Variants in EHBP1 observed in about 807,000 individuals in gnomAD.
EHBP1 encodes the protein EH domain-binding protein 1.
A neutral mutation model predicts 144.0 loss-of-function variants in EHBP1; 55 were observed. That is an observed-to-expected ratio of 0.38 (90% CI 0.31 to 0.48). The LOEUF (loss-of-function observed/expected upper bound fraction) is 0.48. EHBP1 is among the 20% of genes least tolerant of loss of function. EHBP1 has a pLI of 0.98. For missense variants in EHBP1, 1,200 were observed against 1,364.2 expected, an observed-to-expected ratio of 0.88 and a Z score of 1.90; for synonymous variants, 469 against 472.7, an observed-to-expected ratio of 0.99 and a Z score of 0.10.
chr2:62,894,044 CAAAA>C (rs146913575), intron 10 of EHBP1, among the ~76,000 whole-genome samples: 2 of 96,172 alleles, frequency 2.1e-5, no homozygotes, highest in Non-Finnish European at 4.2e-5. Flanking sequence ...GACTCCGTCT[CAAAA>C]AAAAAAAAAA....
At chr2:63,020,596 G>A (rs373082159) in intron 19 of EHBP1, among the ~76,000 whole-genome samples, 3 of 151,900 alleles carry the variant, frequency 2.0e-5, no homozygotes, top group East Asian at 3.9e-4. Flanking sequence ...CTTGGCAGAG[G>A]ATGAGCACTC....
intron 19 of EHBP1, among the ~76,000 whole-genome samples, chr2:63,009,068 G>T (rs1325742345): frequency 6.6e-6 from 1 of 151,582 alleles, no homozygotes; most frequent in African/African-American, 2.4e-5. Context: ...GTATTCACTT[G>T]CAAAATTGTT....
At chr2:62,828,766 T>G (rs1331794960) in intron 6 of EHBP1, among the ~76,000 whole-genome samples, 1 of 152,254 alleles carries the variant, frequency 6.6e-6, no homozygotes, top group Non-Finnish European at 1.5e-5. Flanking sequence ...ATTTGCAAAC[T>G]GTCTCACTGT....
chr2:62,816,509 C>T (rs893513251), intron 5 of EHBP1, among the ~76,000 whole-genome samples: 1 of 152,054 alleles, frequency 6.6e-6, no homozygotes, highest in Non-Finnish European at 1.5e-5. Flanking sequence ...AACTGTTAGT[C>T]TAAACTCTCC....
At chr2:62,762,315 G>A (rs2040833017) in intron 3 of EHBP1, among the ~76,000 whole-genome samples, 2 of 152,112 alleles carry the variant, frequency 1.3e-5, no homozygotes, top group Non-Finnish European at 2.9e-5. Flanking sequence ...CCGAGACTTA[G>A]TCTTTGGAGC....
At chr2:62,828,262 G>C (rs1361351375) in intron 6 of EHBP1, among the ~76,000 whole-genome samples, 1 of 152,130 alleles carries the variant, frequency 6.6e-6, no homozygotes, top group African/African-American at 2.4e-5. Context: ...TTCTGAATTT[G>C]GGGGAAGTAT....
chr2:62,763,343 T>A (rs1199104066), intron 3 of EHBP1, among the ~76,000 whole-genome samples: 1 of 152,118 alleles, frequency 6.6e-6, no homozygotes, highest in Non-Finnish European at 1.5e-5. Flanking sequence ...TTTTCACTCC[T>A]CCAGGGCCTA....
intron 9 of EHBP1, among the ~76,000 whole-genome samples, chr2:62,873,680 A>C (rs2050661437): frequency 6.6e-6 from 1 of 152,144 alleles, no homozygotes; most frequent in Admixed American, 6.5e-5. Context: ...AAAATTGCTC[A>C]AACTAGAAAT....
intron 10 of EHBP1, among the ~76,000 whole-genome samples, chr2:62,920,296 A>G (rs2054968558): frequency 6.6e-6 from 1 of 152,228 alleles, no homozygotes; most frequent in South Asian, 2.1e-4. Flanking sequence ...TTTTGAGACC[A>G]GAAGGCAGTA....
intron 10 of EHBP1, among the ~76,000 whole-genome samples, chr2:62,935,347 AT>A (rs1379575548): frequency 0.014 from 1,556 of 113,320 alleles, 16 homozygotes; most frequent in African/African-American, 0.036. Context: ...AAAAAAAAAT[AT>A]ATATATATAT....
At position 63,044,878 on chromosome 2, in the gene EHBP1, A is replaced by C; in HGVS notation, c.3278-188A>C. On this transcript the variant is annotated intron_variant, in intron 21 of 22. Transcript: ENST00000431489. ...CCATCTCCATTCACAGGACCTGTTTAGGAAGTAGACTTTTAGCGAGGAAGC... is the reference window on the plus strand; with the variant it reads ...CCATCTCCATTCACAGGACCTGTTTCGGAAGTAGACTTTTAGCGAGGAAGC... 3 of 548,920 alleles carry C rather than the reference A, an allele frequency of 5.5e-6. No homozygotes were observed. The South Asian group carries it at 6.8e-5, about 12-fold the overall frequency. The allele number at this position is 548,920 out of a possible 1,614,324, so 34.0% of individuals were successfully genotyped here.
intron 14 of EHBP1, among the ~76,000 whole-genome samples, chr2:62,958,128 A>G (rs542567730): frequency 9.9e-5 from 15 of 152,158 alleles, no homozygotes; most frequent in Non-Finnish European, 2.1e-4. Context: ...TAGGAATGTA[A>G]AATGGTACAA....
At chr2:62,811,501 A>G (rs1039313144) in intron 5 of EHBP1, among the ~76,000 whole-genome samples, 1 of 152,240 alleles carries the variant, frequency 6.6e-6, no homozygotes, top group Non-Finnish European at 1.5e-5. Context: ...TCACAGAGTT[A>G]AATGAGAGAA....
In EHBP1 at chr2:62,694,084, T is replaced by G. The variant is rs529025065; in HGVS notation, c.-295-12813T>G. Among the ~76,000 whole-genome samples, 70 of 152,366 alleles carry G rather than the reference T, an allele frequency of 4.6e-4. 1 individual carries two copies. The highest frequency in any genetic ancestry group is 1.5e-3 in the African/African-American group (62 of 41,594). Reference sequence around the variant, plus strand: ...TAACATTTAGGTTAATGATACATTTTGTGGTAATTTTTGTATTTGGTTGTT... The same window carrying G: ...TAACATTTAGGTTAATGATACATTTGGTGGTAATTTTTGTATTTGGTTGTT... On this transcript the variant is annotated intron_variant, in intron 1 of 22. Transcript: ENST00000405015.
chr2:62,824,140 A>G (rs1264886582), intron 5 of EHBP1, among the ~76,000 whole-genome samples: 1 of 152,068 alleles, frequency 6.6e-6, no homozygotes, highest in East Asian at 1.9e-4. Flanking sequence ...GCAGAATATG[A>G]TAAAAAATCT....
intron 19 of EHBP1, among the ~76,000 whole-genome samples, chr2:63,036,753 A>G (rs938416448): frequency 5.3e-5 from 8 of 151,942 alleles, no homozygotes; most frequent in African/African-American, 1.9e-4. Context: ...AACATATACT[A>G]TATTATAATC....
chr2:62,775,124 T>C lies in EHBP1; in HGVS notation c.312+3732T>C, dbSNP rs376538820. The stretch of plus-strand genomic sequence containing the variant: ...ATTTCTAAAGTCTCCAAAAGAGAAT[T>C]GGGGTATGCTTGTCAAATTTATTTA... On this transcript the variant is annotated intron_variant, in intron 5 of 22. Coordinates refer to ENST00000431489, the MANE Select transcript of EHBP1 (RefSeq NM_001142616.3). Among the ~76,000 whole-genome samples the C allele has an allele frequency of 3.4e-4, 52 of 152,266 alleles. No individual in the cohort carries two copies. The South Asian group carries it at 0.01, about 30-fold the overall frequency.
At chr2:62,815,096 A>G (rs971768120) in intron 5 of EHBP1, among the ~76,000 whole-genome samples, 7 of 152,336 alleles carry the variant, frequency 4.6e-5, no homozygotes, top group African/African-American at 1.7e-4. Flanking sequence ...TAGCTTTCCC[A>G]CTGAAGGTTT....
intron 19 of EHBP1, among the ~76,000 whole-genome samples, chr2:63,000,658 C>T (rs1490617228): frequency 6.6e-6 from 1 of 152,084 alleles, no homozygotes; most frequent in Non-Finnish European, 1.5e-5. Flanking sequence ...AAGATCACAC[C>T]ATTGCACTCT....
Sources: allele counts gnomAD v4.1 joint callset (sites outside exome capture counted in the v4.1 genomes callset), GRCh38; gene constraint gnomAD v4.1.1; transcripts MANE v1.5; gene names NCBI Gene and HGNC (gene_info 2026-07-23, HGNC 2026-07-21).